MEOX2: variants seen among roughly 807,000 people sequenced by gnomAD.
MEOX2 encodes the protein homeobox protein MOX-2.
A neutral mutation model predicts 27.0 loss-of-function variants in MEOX2; 11 were observed. The observed-to-expected ratio is 0.41, with a 90% confidence interval of 0.26 to 0.68. The LOEUF is 0.68. Among genes scored for constraint, MEOX2 ranks in the 30% least tolerant of loss-of-function variants. MEOX2 has a pLI of 0.33. For synonymous variants in MEOX2, 189 were observed against 155.4 expected (o/e 1.22, Z -1.61); for missense variants, 436 against 385.4 (o/e 1.13, Z -1.10).
At chr7:15,658,882 A>C (rs933811577) in intron 1 of MEOX2, among the ~76,000 whole-genome samples, 13 of 152,224 alleles carry the variant, frequency 8.5e-5, no homozygotes, top group Non-Finnish European at 1.9e-4. Flanking sequence ...TTTTAAGACA[A>C]CCAGTCTGTA....
At chr7:15,639,383 T>C in intron 1 of MEOX2, among the ~76,000 whole-genome samples, 1 of 152,078 alleles carries the variant, frequency 6.6e-6, no homozygotes. Context: ...TATTAGTCTT[T>C]TGTTGGATGC....
At chr7:15,684,046 AAT>A (rs1312198241) in intron 1 of MEOX2, among the ~76,000 whole-genome samples, 2 of 152,196 alleles carry the variant, frequency 1.3e-5, no homozygotes, top group Non-Finnish European at 2.9e-5. Context: ...AAATTAAGGG[AAT>A]CAGTTATTGA....
intron 1 of MEOX2, among the ~76,000 whole-genome samples, chr7:15,675,728 T>C (rs1782182728): frequency 1.3e-5 from 2 of 152,182 alleles, no homozygotes; most frequent in Non-Finnish European, 2.9e-5. Context: ...TTAAGAAAAC[T>C]TTGACAAATC....
intron 1 of MEOX2, among the ~76,000 whole-genome samples, chr7:15,661,720 A>C (rs1002148805): frequency 1.2e-4 from 18 of 152,308 alleles, no homozygotes; most frequent in African/African-American, 4.3e-4. Context: ...CGATTAGGGC[A>C]GTGCTATATA....
intron 1 of MEOX2, among the ~76,000 whole-genome samples, chr7:15,653,322 G>A (rs960415340): frequency 6.6e-6 from 1 of 151,750 alleles, no homozygotes; most frequent in African/African-American, 2.4e-5. Context: ...GCCCACTTTC[G>A]TATTTGATTT....
intron 1 of MEOX2, among the ~76,000 whole-genome samples, chr7:15,668,989 C>T (rs908921343): frequency 3.9e-5 from 6 of 152,192 alleles, no homozygotes; most frequent in African/African-American, 1.4e-4. Flanking sequence ...CCTCTCCTTA[C>T]TATGTCCACG....
At chr7:15,621,835 C>T (rs1781226997) in intron 2 of MEOX2, among the ~76,000 whole-genome samples, 1 of 152,118 alleles carries the variant, frequency 6.6e-6, no homozygotes, top group Non-Finnish European at 1.5e-5. Context: ...AATTCTGTTA[C>T]AGGCCAGGTG....
intron 1 of MEOX2, among the ~76,000 whole-genome samples, chr7:15,674,554 TTCTGTG>T (rs749443833): frequency 0.074 from 11,062 of 149,764 alleles, 631 homozygotes; most frequent in African/African-American, 0.17. Context: ...AGATAAAAGA[TTCTGTG>T]TGTGTGTGTG....
At position 15,626,890 on chromosome 7, in the gene MEOX2, T is replaced by C; in HGVS notation, c.546A>G (p.Glu182=). ...SDSQEGNYKS[E]VNSKPRKERT... is the part of the protein sequence containing the mutation. ...TTTCTTTCCTGGGTTTGCTGTTGACTTCTGACTTGTAATTTCCTTCCTGGG... is the reference window on the plus strand; with the variant it reads ...TTTCTTTCCTGGGTTTGCTGTTGACCTCTGACTTGTAATTTCCTTCCTGGG... Residue 182 remains glutamate, a synonymous_variant, in exon 2 of 3, where the codon GAA becomes GAG. Coordinates refer to ENST00000262041, the MANE Select transcript of MEOX2 (RefSeq NM_005924.5). The C allele has an allele frequency of 6.2e-7, 1 of 1,612,404 alleles. No homozygotes were observed. The highest frequency in any genetic ancestry group is 8.5e-7 in the Non-Finnish European group (1 of 1,179,370).
intron 1 of MEOX2, among the ~76,000 whole-genome samples, chr7:15,676,786 C>T (rs1381624363): frequency 1.3e-5 from 2 of 151,284 alleles, no homozygotes; most frequent in Non-Finnish European, 2.9e-5. Flanking sequence ...TGAACCCGGA[C>T]AGCAGAGGTT....
intron 1 of MEOX2, among the ~76,000 whole-genome samples, chr7:15,642,462 G>C (rs1781577664): frequency 6.6e-6 from 1 of 151,930 alleles, no homozygotes; most frequent in Admixed American, 6.6e-5. Context: ...CATTTCCAAA[G>C]TTTCTATTTT....
At chr7:15,656,437 C>CT (rs1188980982) in intron 1 of MEOX2, among the ~76,000 whole-genome samples, 4,526 of 143,748 alleles carry the variant, frequency 0.031, 208 homozygotes, top group African/African-American at 0.11. Context: ...TCATGTTTTT[C>CT]TTTTTTTTTT....
intron 2 of MEOX2, among the ~76,000 whole-genome samples, chr7:15,617,786 C>T (rs149361067): frequency 1.3e-3 from 204 of 152,144 alleles, no homozygotes; most frequent in African/African-American, 4.8e-3. Context: ...ATTTTCCTAC[C>T]TCTGTAATTT....
At chr7:15,619,688 A>G (rs1364911996) in intron 2 of MEOX2, among the ~76,000 whole-genome samples, 1 of 152,010 alleles carries the variant, frequency 6.6e-6, no homozygotes, top group East Asian at 1.9e-4. Context: ...CCTTACCTCT[A>G]ACTATACATA....
At chr7:15,679,501 C>T (rs979906290) in intron 1 of MEOX2, 3 of 152,054 alleles carry the variant, frequency 2.0e-5, no homozygotes, top group African/African-American at 7.2e-5. Context: ...GAAACATTCA[C>T]ATTGAATTGA....
intron 1 of MEOX2, among the ~76,000 whole-genome samples, chr7:15,662,833 G>T (rs1445400214): frequency 2.0e-5 from 3 of 152,102 alleles, no homozygotes; most frequent in Non-Finnish European, 4.4e-5. Flanking sequence ...CAGGACATAT[G>T]AAAATTTAAA....
rs1054083696 is a variant in MEOX2, at chr7:15,671,407, T to C, written c.517+14479A>G. Among the ~76,000 whole-genome samples, 4 of 152,206 alleles carry C rather than the reference T, an allele frequency of 2.6e-5. No homozygotes were observed. In the South Asian group the frequency reaches 8.3e-4, roughly 32 times the overall value. Reference sequence around the variant, plus strand: ...ATTTTTTTAAACCTATCAAAATGTGTTGCAATATGGATTGATTTTTACTTC... The same window carrying C: ...ATTTTTTTAAACCTATCAAAATGTGCTGCAATATGGATTGATTTTTACTTC... On this transcript the variant is annotated intron_variant, in intron 1 of 2. Coordinates refer to ENST00000262041, the MANE Select transcript of MEOX2 (RefSeq NM_005924.5).
chr7:15,622,893 G>T (rs1304960083), intron 2 of MEOX2, among the ~76,000 whole-genome samples: 1 of 152,090 alleles, frequency 6.6e-6, no homozygotes, highest in Admixed American at 6.6e-5. Flanking sequence ...TATTAAAGAG[G>T]TCCCAGAGAG....
chr7:15,631,906 A>ACGTGTGTGTGTGTGTGTGTG (rs1554293455), intron 1 of MEOX2, among the ~76,000 whole-genome samples: 1 of 129,352 alleles, frequency 7.7e-6, no homozygotes, highest in East Asian at 2.2e-4. Context: ...CCAAGGTTAA[A>ACGTGTGTGTGTGTGTGTGTG]TGTGTGTGTG....
Sources: allele counts gnomAD v4.1 joint callset (sites outside exome capture counted in the v4.1 genomes callset), GRCh38; gene constraint gnomAD v4.1.1; transcripts MANE v1.5; gene names NCBI Gene and HGNC (gene_info 2026-07-23, HGNC 2026-07-21).